The following AOAH variants were observed in gnomAD, a reference collection of about 807,000 sequenced individuals.
AOAH encodes acyloxyacyl hydrolase, also known as acyloxyacyl hydrolase (neutrophil).
Under a neutral mutation model 92.2 loss-of-function variants are expected in AOAH, and 64 were observed. That is an observed-to-expected ratio of 0.69 (90% CI 0.57 to 0.86). The LOEUF (loss-of-function observed/expected upper bound fraction) is 0.86. Ranked by LOEUF, AOAH falls within the 40% of genes least tolerant of loss-of-function variation. AOAH has a pLI of 0.00. For synonymous variants in AOAH, 263 were observed against 254.5 expected, an observed-to-expected ratio of 1.03 and a Z score of -0.32; for missense variants, 656 against 694.6, an observed-to-expected ratio of 0.94 and a Z score of 0.62.
chr7:36,530,407 A>C lies in AOAH; in HGVS notation c.1522+11T>G. 1 of 1,586,902 alleles carries C rather than the reference A, an allele frequency of 6.3e-7. No homozygotes were observed. The highest frequency in any genetic ancestry group is 8.7e-7 in the Non-Finnish European group (1 of 1,155,420). Reference sequence around the variant, plus strand: ...TTCATCTTCTGTCAATACCCAAACAAAGCTACTTACTTTCATGGAAGGCAA... The same window carrying C: ...TTCATCTTCTGTCAATACCCAAACACAGCTACTTACTTTCATGGAAGGCAA... On this transcript the variant is annotated intron_variant, in intron 19 of 20. Coordinates refer to ENST00000617537, the MANE Select transcript of AOAH (RefSeq NM_001637.4).
intron 4 of AOAH, among the ~76,000 whole-genome samples, chr7:36,650,525 A>G (rs1475952621): frequency 1.3e-5 from 2 of 152,210 alleles, no homozygotes; most frequent in African/African-American, 2.4e-5. Context: ...CTCCAGCACA[A>G]CAGTTCTCAC....
At chr7:36,630,613 TC>T (rs1232305979) in intron 6 of AOAH, among the ~76,000 whole-genome samples, 2 of 151,954 alleles carry the variant, frequency 1.3e-5, no homozygotes, top group Non-Finnish European at 2.9e-5. Context: ...AACACAGCAC[TC>T]CCCCACCAGG....
intron 3 of AOAH, among the ~76,000 whole-genome samples, chr7:36,670,059 T>C (rs968858345): frequency 7.1e-6 from 1 of 141,614 alleles, no homozygotes; most frequent in Non-Finnish European, 1.5e-5. Flanking sequence ...TCAGGTATCC[T>C]TTTTTTGTTT....
intron 1 of AOAH, among the ~76,000 whole-genome samples, chr7:36,715,973 A>G (rs551166158): frequency 3.5e-3 from 537 of 152,226 alleles, no homozygotes; most frequent in African/African-American, 0.012. Context: ...GAATTGACAA[A>G]TGGGATCTAA....
At chr7:36,651,343 C>T (rs1353676247) in intron 4 of AOAH, among the ~76,000 whole-genome samples, 2 of 152,140 alleles carry the variant, frequency 1.3e-5, no homozygotes, top group African/African-American at 4.8e-5. Flanking sequence ...TCAGGAAAGT[C>T]TCTCAGTTCT....
intron 19 of AOAH, among the ~76,000 whole-genome samples, chr7:36,527,889 T>C (rs1052560508): frequency 6.6e-6 from 1 of 152,176 alleles, no homozygotes; most frequent in Non-Finnish European, 1.5e-5. Flanking sequence ...GAGGGGATTA[T>C]CCCTCCCACT....
chr7:36,546,080 ATCTT>A (rs1785783659), intron 15 of AOAH, among the ~76,000 whole-genome samples: 1 of 152,242 alleles, frequency 6.6e-6, no homozygotes, highest in South Asian at 2.1e-4. Flanking sequence ...TCTCTATGTG[ATCTT>A]TCTTTTTGAC....
At chr7:36,514,715 A>G (rs1002655709) in intron 20 of AOAH, 10 of 690,842 alleles carry the variant, frequency 1.4e-5, no homozygotes, top group Middle Eastern at 3.4e-4. Flanking sequence ...GGCCTGCCAG[A>G]GGGGAATACA....
At chr7:36,719,430 C>T (rs1799475630) in intron 1 of AOAH, among the ~76,000 whole-genome samples, 2 of 152,074 alleles carry the variant, frequency 1.3e-5, no homozygotes, top group Admixed American at 1.3e-4. Flanking sequence ...GATTACTCAA[C>T]AATAATCTTC....
chr7:36,686,253 T>C (rs1216717302), intron 2 of AOAH, among the ~76,000 whole-genome samples: 1 of 152,214 alleles, frequency 6.6e-6, no homozygotes, highest in Non-Finnish European at 1.5e-5. Flanking sequence ...ATTTGAAATT[T>C]TGAGATCAGT....
chr7:36,529,670 T>G (rs983965551), intron 19 of AOAH, among the ~76,000 whole-genome samples: 3 of 152,202 alleles, frequency 2.0e-5, no homozygotes, highest in African/African-American at 7.2e-5. Context: ...TCATTAGCAT[T>G]ATCTCATCTG....
chr7:36,585,113 T>TG (rs1410772632), intron 12 of AOAH, among the ~76,000 whole-genome samples: 1 of 150,464 alleles, frequency 6.6e-6, no homozygotes, highest in Admixed American at 6.6e-5. Flanking sequence ...TCCAGTTAGA[T>TG]GGGGGGTCAG....
At chr7:36,716,021 C>T (rs1034558182) in intron 1 of AOAH, among the ~76,000 whole-genome samples, 7 of 151,868 alleles carry the variant, frequency 4.6e-5, no homozygotes, top group African/African-American at 1.7e-4. Context: ...AAGAAACTAC[C>T]ATCAGAGTGA....
At chr7:36,551,232 C>G (rs1301184487) in intron 13 of AOAH, among the ~76,000 whole-genome samples, 1 of 152,012 alleles carries the variant, frequency 6.6e-6, no homozygotes, top group East Asian at 1.9e-4. Flanking sequence ...TGCCACCATG[C>G]TTGGCTAGTT....
chr7:36,625,672 A>T (rs1792613355), intron 6 of AOAH, among the ~76,000 whole-genome samples: 1 of 152,228 alleles, frequency 6.6e-6, no homozygotes, highest in Non-Finnish European at 1.5e-5. Context: ...GCCTTGGGGA[A>T]GGTGGAAGAT....
intron 4 of AOAH, among the ~76,000 whole-genome samples, chr7:36,652,874 C>T (rs992257579): frequency 4.6e-5 from 7 of 152,162 alleles, no homozygotes; most frequent in Non-Finnish European, 5.9e-5. Flanking sequence ...AAATGCAATG[C>T]GTGTCCTCGA....
intron 1 of AOAH, among the ~76,000 whole-genome samples, chr7:36,696,020 A>G (rs1283159264): frequency 1.3e-5 from 2 of 152,192 alleles, no homozygotes; most frequent in African/African-American, 4.8e-5. Context: ...CCATTATTCC[A>G]TAACCATTTG....
intron 1 of AOAH, among the ~76,000 whole-genome samples, chr7:36,688,553 G>A (rs1797181868): frequency 1.3e-5 from 2 of 152,158 alleles, no homozygotes; most frequent in Admixed American, 6.6e-5. Flanking sequence ...AGAGGGTGCA[G>A]TATGGTGTAG....
At chr7:36,558,260 T>C (rs1259850147) in intron 13 of AOAH, among the ~76,000 whole-genome samples, 1 of 152,232 alleles carries the variant, frequency 6.6e-6, no homozygotes, top group East Asian at 1.9e-4. Context: ...CTCCAGACCC[T>C]GTTTGCCTGG....
Sources: gnomAD v4.1 joint callset for allele counts (sites outside exome capture counted in the v4.1 genomes callset) on GRCh38, gnomAD v4.1.1 for gene constraint, MANE v1.5 for transcripts, NCBI Gene and HGNC (gene_info 2026-07-23, HGNC 2026-07-21) for gene names.